The following TMEM232 variants were observed in gnomAD, a reference collection of about 807,000 sequenced individuals.
TMEM232 encodes transmembrane protein 232.
TMEM232 carries 80 observed loss-of-function variants against 78.8 expected under a neutral mutation model. That is an observed-to-expected ratio of 1.01 (90% CI 0.85 to 1.22). The LOEUF is 1.22. Among genes scored for constraint, TMEM232 ranks in the 50% most tolerant of loss-of-function variants. The pLI is 0.00. For synonymous variants in TMEM232, 297 were observed against 254.3 expected (o/e 1.17, Z -1.60); for missense variants, 881 against 742.2 (o/e 1.19, Z -2.17).
At chr5:110,664,716 A>G (rs1790316943) in intron 2 of TMEM232, among the ~76,000 whole-genome samples, 1 of 152,332 alleles carries the variant, frequency 6.6e-6, no homozygotes, top group South Asian at 2.1e-4. Context: ...TGGCTTGCAG[A>G]CAGCTGCCTT....
intron 2 of TMEM232, among the ~76,000 whole-genome samples, chr5:110,655,491 A>G (rs1451594308): frequency 1.1e-4 from 15 of 138,558 alleles, no homozygotes; most frequent in Admixed American, 5.3e-4. Flanking sequence ...TGTGGAAGTC[A>G]GTGTGGCGAT....
chr5:110,399,090 T>C (rs1215742961), intron 2 of TMEM232, among the ~76,000 whole-genome samples: 1 of 152,000 alleles, frequency 6.6e-6, no homozygotes, highest in Non-Finnish European at 1.5e-5. Context: ...GCAGGTTCTC[T>C]GGTCTGCCAC....
At chr5:110,411,264 A>G (rs1399919522) in intron 2 of TMEM232, among the ~76,000 whole-genome samples, 1 of 152,084 alleles carries the variant, frequency 6.6e-6, no homozygotes, top group Non-Finnish European at 1.5e-5. Context: ...AGATACAGGT[A>G]TTGGAGCTCT....
chr5:110,727,972 T>C (rs185507115), upstream of TMEM232, among the ~76,000 whole-genome samples: 200 of 152,278 alleles, frequency 1.3e-3, no homozygotes, highest in African/African-American at 4.6e-3. Flanking sequence ...GGGGGCTTGC[T>C]TGTTTTAATT....
At chr5:110,688,397 T>C (rs527982876) in intron 1 of TMEM232, among the ~76,000 whole-genome samples, 1 of 152,314 alleles carries the variant, frequency 6.6e-6, no homozygotes, top group South Asian at 2.1e-4. Flanking sequence ...AACAAAATTC[T>C]TGGGATTGTG....
upstream of TMEM232, among the ~76,000 whole-genome samples, chr5:110,729,104 C>T (rs1419358465): frequency 6.6e-6 from 1 of 152,020 alleles, no homozygotes; most frequent in East Asian, 1.9e-4. Flanking sequence ...AGGCTGATCT[C>T]GAACTCCTGA....
chr5:110,710,619 T>G (rs188939768), intron 1 of TMEM232, among the ~76,000 whole-genome samples: 3 of 152,252 alleles, frequency 2.0e-5, no homozygotes, highest in Admixed American at 2.0e-4. Context: ...TGACACACTA[T>G]ATCAACACAA....
chr5:110,671,518 A>G (rs538193397), intron 1 of TMEM232, among the ~76,000 whole-genome samples: 2 of 152,334 alleles, frequency 1.3e-5, no homozygotes, highest in African/African-American at 4.8e-5. Context: ...TCAATGATAG[A>G]TTGGATAAAG....
chr5:110,488,712 A>C (rs968822120), intron 12 of TMEM232, among the ~76,000 whole-genome samples: 10 of 152,030 alleles, frequency 6.6e-5, no homozygotes, highest in African/African-American at 2.4e-4. Flanking sequence ...ATAAGCTTAG[A>C]GTGGAGATAA....
At chr5:110,669,089 A>G (rs112897105) in intron 1 of TMEM232, among the ~76,000 whole-genome samples, 1 of 152,180 alleles carries the variant, frequency 6.6e-6, no homozygotes, top group African/African-American at 2.4e-5. Flanking sequence ...AAGAGCAAAC[A>G]CATTCAAAAG....
At position 110,529,921 on chromosome 5, in the gene TMEM232, A is replaced by C. The variant is rs554974138; in HGVS notation, c.1456-1086T>G. ...CATACTATTAATTCCTTTTCTTGTA[A>C]ATAAGTCGGATACTGCCTTTTATCA... On this transcript the variant is annotated intron_variant, in intron 11 of 13. Transcript: ENST00000455884. Among the ~76,000 whole-genome samples, 4 of 152,294 alleles carry C rather than the reference A, an allele frequency of 2.6e-5. No individual in the cohort carries two copies. In the South Asian group the frequency reaches 8.3e-4, roughly 32 times the overall value.
chr5:110,393,726 G>A (rs921682053), intron 3 of TMEM232, among the ~76,000 whole-genome samples: 1 of 152,028 alleles, frequency 6.6e-6, no homozygotes, highest in Non-Finnish European at 1.5e-5. Context: ...AGAGGCCGTG[G>A]TGGGTGGATC....
intron 1 of TMEM232, among the ~76,000 whole-genome samples, chr5:110,685,576 A>G (rs537151344): frequency 6.6e-6 from 1 of 152,262 alleles, no homozygotes; most frequent in South Asian, 2.1e-4. Flanking sequence ...ATAAGCTATA[A>G]CAATGTAGGA....
chr5:110,673,588 C>G (rs1337283148), intron 1 of TMEM232, among the ~76,000 whole-genome samples: 1 of 152,098 alleles, frequency 6.6e-6, no homozygotes, highest in African/African-American at 2.4e-5. Context: ...TGGCATGGAG[C>G]AATTCAATTC....
chr5:110,563,785 A>C (rs118129129), intron 11 of TMEM232, among the ~76,000 whole-genome samples: 1 of 152,070 alleles, frequency 6.6e-6, no homozygotes, highest in East Asian at 1.9e-4. Flanking sequence ...TGGGGCTCCT[A>C]ATCCAAAACC....
intron 1 of TMEM232, among the ~76,000 whole-genome samples, chr5:110,689,704 C>G (rs554270224): frequency 6.6e-6 from 1 of 152,200 alleles, no homozygotes; most frequent in South Asian, 2.1e-4. Flanking sequence ...AAGAACAAAC[C>G]TGGAGGCATC....
At chr5:110,727,561 A>G (rs1197320087), upstream of TMEM232, among the ~76,000 whole-genome samples, 1 of 152,192 alleles carries the variant, frequency 6.6e-6, no homozygotes. Flanking sequence ...GTGAGCCGAG[A>G]TCATGCCACT....
intron 2 of TMEM232, among the ~76,000 whole-genome samples, chr5:110,404,737 C>G (rs548326804): frequency 6.6e-5 from 10 of 152,114 alleles, no homozygotes; most frequent in Non-Finnish European, 1.5e-4. Flanking sequence ...TATAATAAAG[C>G]CTTGATGAAC....
At chr5:110,532,785 C>G (rs1331106810) in intron 11 of TMEM232, among the ~76,000 whole-genome samples, 2 of 152,142 alleles carry the variant, frequency 1.3e-5, no homozygotes, top group Non-Finnish European at 2.9e-5. Context: ...CACTCCTTAC[C>G]ATCTCATTAA....
Sources: gnomAD v4.1 joint callset for allele counts (sites outside exome capture counted in the v4.1 genomes callset) on GRCh38, gnomAD v4.1.1 for gene constraint, MANE v1.5 for transcripts, NCBI Gene and HGNC (gene_info 2026-07-23, HGNC 2026-07-21) for gene names.